The following MLIP variants were observed in gnomAD, a reference collection of about 807,000 sequenced individuals.
The protein encoded by MLIP is muscular LMNA-interacting protein.
A neutral mutation model predicts 84.8 loss-of-function variants in MLIP; 79 were observed. The observed-to-expected ratio is 0.93, with a 90% confidence interval of 0.78 to 1.12. The LOEUF is 1.12. Ranked by LOEUF, MLIP falls within the 50% of genes most tolerant of loss-of-function variation. The pLI is 0.00. For synonymous variants in MLIP, 504 were observed against 463.0 expected (o/e 1.09, Z -1.14); for missense variants, 1,257 against 1,160.6 (o/e 1.08, Z -1.21).
At chr6:54,224,167 G>T (rs115257975) in intron 11 of MLIP, among the ~76,000 whole-genome samples, 1 of 151,788 alleles carries the variant, frequency 6.6e-6, no homozygotes, top group Non-Finnish European at 1.5e-5. Context: ...ATAATAGCAC[G>T]TATTCTTTGA....
chr6:54,111,202 C>G (rs1020182714), upstream of MLIP, among the ~76,000 whole-genome samples: 1 of 152,120 alleles, frequency 6.6e-6, no homozygotes, highest in Non-Finnish European at 1.5e-5. Flanking sequence ...AGGGAAAACA[C>G]ATATCAGTGG....
chr6:54,135,648 T>C (rs1771731386), intron 3 of MLIP, among the ~76,000 whole-genome samples: 2 of 152,168 alleles, frequency 1.3e-5, no homozygotes, highest in Admixed American at 1.3e-4. Context: ...TTAATATTTA[T>C]TGATATTTTG....
chr6:54,114,143 C>T (rs536834309), intron 1 of MLIP, among the ~76,000 whole-genome samples: 1 of 152,316 alleles, frequency 6.6e-6, no homozygotes. Flanking sequence ...AGTTCTTCCT[C>T]AGCTGGTGGA....
intron 11 of MLIP, among the ~76,000 whole-genome samples, chr6:54,218,246 T>C (rs1779980669): frequency 1.3e-5 from 2 of 152,346 alleles, no homozygotes; most frequent in East Asian, 3.9e-4. Flanking sequence ...CTATTACTGC[T>C]GGGCTACAAA....
At chr6:54,180,720 T>C in intron 9 of MLIP, among the ~76,000 whole-genome samples, 1 of 152,318 alleles carries the variant, frequency 6.6e-6, no homozygotes, top group East Asian at 1.9e-4. Context: ...TAAATTTATC[T>C]AATGGAATTC....
intron 1 of MLIP, among the ~76,000 whole-genome samples, chr6:54,028,139 G>A (rs1008609616): frequency 2.6e-5 from 4 of 152,108 alleles, no homozygotes; most frequent in Non-Finnish European, 4.4e-5. Context: ...TTAAAAAAAT[G>A]GTTAGAGGAT....
intron 5 of MLIP, among the ~76,000 whole-genome samples, chr6:54,150,538 G>C (rs1196805431): frequency 6.6e-6 from 1 of 152,192 alleles, no homozygotes; most frequent in Non-Finnish European, 1.5e-5. Context: ...CACAGATGTG[G>C]GAGAATCACT....
chr6:54,029,918 A>G (rs191667189), intron 1 of MLIP, among the ~76,000 whole-genome samples: 5 of 152,168 alleles, frequency 3.3e-5, no homozygotes, highest in Admixed American at 3.3e-4. Flanking sequence ...TCTCATGTGT[A>G]TAATGGGCTA....
intron 1 of MLIP, among the ~76,000 whole-genome samples, chr6:54,026,503 T>C (rs1414089535): frequency 6.6e-6 from 1 of 152,178 alleles, no homozygotes; most frequent in East Asian, 1.9e-4. Flanking sequence ...AAAGAATCTA[T>C]AGCAAGAAAT....
chr6:54,154,671 C>T (rs2150542256), intron 5 of MLIP, among the ~76,000 whole-genome samples: 1 of 152,280 alleles, frequency 6.6e-6, no homozygotes, highest in East Asian at 1.9e-4. Flanking sequence ...AAGGGATGCT[C>T]ATATGGGATC....
intron 5 of MLIP, among the ~76,000 whole-genome samples, chr6:54,152,733 C>T (rs11966090): frequency 0.071 from 10,767 of 152,068 alleles, 550 homozygotes; most frequent in East Asian, 0.23. Flanking sequence ...TTAAAGGTCT[C>T]GCTTTCATTG....
intron 5 of MLIP, among the ~76,000 whole-genome samples, chr6:54,153,056 A>G (rs1773623990): frequency 6.6e-6 from 1 of 152,136 alleles, no homozygotes; most frequent in African/African-American, 2.4e-5. Flanking sequence ...AATAAATGGC[A>G]TTACTCTTTG....
intron 1 of MLIP, among the ~76,000 whole-genome samples, chr6:54,077,982 G>A (rs2150352888): frequency 6.6e-6 from 1 of 152,222 alleles, no homozygotes; most frequent in African/African-American, 2.4e-5. Context: ...TATGGTTCAG[G>A]TTGTTCTCAT....
At chr6:54,088,072 G>T (rs1767619424) in intron 1 of MLIP, among the ~76,000 whole-genome samples, 2 of 152,162 alleles carry the variant, frequency 1.3e-5, no homozygotes, top group Admixed American at 6.6e-5. Flanking sequence ...AAGGAAATTT[G>T]CATATTCTTA....
intron 9 of MLIP, among the ~76,000 whole-genome samples, chr6:54,185,382 G>T (rs1777288711): frequency 6.6e-6 from 1 of 152,156 alleles, no homozygotes; most frequent in Non-Finnish European, 1.5e-5. Flanking sequence ...CAGTGATACG[G>T]AGTTCATAAT....
Position 54,137,531 on chromosome 6 carries a change from C to G in MLIP, c.1462C>G (p.Gln488Glu). Residue 488 changes from glutamine to glutamate, a missense_variant, in exon 4 of 14, where the codon CAG (glutamine) becomes GAG (glutamate). By Grantham distance (29) the Gln-to-Glu change is conservative. Transcript: ENST00000502396. ...GGAACTCCAGGTTTCTGAATTGACC[C>G]AGCAATCTTTTCACCTGCCTGTTTT... ...QGELQVSELT[Q>E]QSFHLPVFTK... 1 of 1,536,088 alleles carries G rather than the reference C, an allele frequency of 6.5e-7. No homozygotes were observed.
At chr6:54,098,553 T>C (rs1768400009) in intron 1 of MLIP, among the ~76,000 whole-genome samples, 5 of 151,828 alleles carry the variant, frequency 3.3e-5, no homozygotes, top group Admixed American at 2.6e-4. Flanking sequence ...AGAAAGACTT[T>C]CTTGAAGATG....
intron 13 of MLIP, among the ~76,000 whole-genome samples, chr6:54,257,796 C>A (rs928097110): frequency 6.6e-6 from 1 of 151,968 alleles, no homozygotes; most frequent in African/African-American, 2.4e-5. Context: ...CACTGAGCAC[C>A]CCCAACCCCA....
At chr6:54,114,084 T>A (rs574084472) in intron 1 of MLIP, among the ~76,000 whole-genome samples, 1 of 152,234 alleles carries the variant, frequency 6.6e-6, no homozygotes, top group African/African-American at 2.4e-5. Flanking sequence ...CTGTCAGTGA[T>A]GTTTCAGCCT....
Sources: gnomAD v4.1 joint callset for allele counts (sites outside exome capture counted in the v4.1 genomes callset) on GRCh38, gnomAD v4.1.1 for gene constraint, MANE v1.5 for transcripts, NCBI Gene and HGNC (gene_info 2026-07-23, HGNC 2026-07-21) for gene names.